The following HERC1 variants were observed in gnomAD, a reference collection of about 807,000 sequenced individuals.
HERC1 encodes the protein probable E3 ubiquitin-protein ligase HERC1.
Under a neutral mutation model 554.3 loss-of-function variants are expected in HERC1, and 160 were observed. The ratio of observed to expected loss-of-function variants is 0.29; its 90% confidence interval spans 0.25 to 0.33. The LOEUF (loss-of-function observed/expected upper bound fraction) is 0.33. Ranked by LOEUF, HERC1 falls within the 10% of genes least tolerant of loss-of-function variation. HERC1 has a pLI of 1.00. For synonymous variants in HERC1, 2,175 were observed against 2,131.7 expected, an observed-to-expected ratio of 1.02 and a Z score of -0.56; for missense variants, 4,919 against 5,918.5, an observed-to-expected ratio of 0.83 and a Z score of 5.54.
intron 64 of HERC1, among the ~76,000 whole-genome samples, 197 bp from the exon 65 acceptor site, chr15:63,636,339 C>T (rs1595867418): frequency 6.7e-6 from 1 of 149,332 alleles, no homozygotes; most frequent in Non-Finnish European, 1.5e-5. Context: ...GGTGTGATCT[C>T]GGCTCACTGC....
At chr15:63,744,164 G>GTGTGTGTGTGTCTCTCTCTCTCTCTC in intron 12 of HERC1, among the ~76,000 whole-genome samples, 12 of 46,302 alleles carry the variant, frequency 2.6e-4, no homozygotes, top group Non-Finnish European at 4.7e-4. Flanking sequence ...GTGTGTGTGT[G>GTGTGTGTGTGTCTCTCTCTCTCTCTC]TCTCTCTCTC....
intron 19 of HERC1, among the ~76,000 whole-genome samples, chr15:63,721,777 C>T (rs1350531330): frequency 6.6e-6 from 1 of 151,946 alleles, no homozygotes; most frequent in African/African-American, 2.4e-5. Context: ...TGAACAATCC[C>T]GATCATCGTT....
chr15:63,676,681 G>A (rs1289324756), intron 37 of HERC1, among the ~76,000 whole-genome samples: 3 of 152,216 alleles, frequency 2.0e-5, no homozygotes, highest in Non-Finnish European at 4.4e-5. Context: ...GCTTGAACCC[G>A]GGAGGCAGAA....
intron 1 of HERC1, among the ~76,000 whole-genome samples, chr15:63,802,687 A>G (rs1029157449): frequency 2.6e-5 from 4 of 152,260 alleles, no homozygotes; most frequent in Admixed American, 6.5e-5. Context: ...AAGAAAGGTT[A>G]GAAAACTACC....
Position 63,742,359 on chromosome 15 carries a change from T to C in HERC1, c.2520+4559A>G, listed in dbSNP as rs189836720. Among the ~76,000 whole-genome samples, 343 of 152,332 alleles carry C rather than the reference T, an allele frequency of 2.3e-3. 1 individual carries two copies. Among genetic ancestry groups the C allele is most frequent in the African/African-American group, 7.8e-3 (324 of 41,578 alleles). ...CTGAAGCTCTGCTGAACTCGTTTAT[T>C]AGCCCTAATAGTTGTGTATGAGTGT... is the stretch of plus-strand genomic sequence containing the variant. On this transcript the variant is annotated intron_variant, in intron 12 of 77. Transcript: ENST00000443617.
At chr15:63,637,151 G>C (rs868113879) in intron 64 of HERC1, 1 of 460,756 alleles carries the variant, frequency 2.2e-6, no homozygotes, top group South Asian at 1.5e-5. Flanking sequence ...CACATTTGCA[G>C]ATTTCCATAT....
chr15:63,813,390 T>C (rs528027512), intron 1 of HERC1, among the ~76,000 whole-genome samples: 1 of 151,000 alleles, frequency 6.6e-6, no homozygotes, highest in African/African-American at 2.4e-5. Flanking sequence ...CATACATAGA[T>C]TACTCCAAAA....
intron 25 of HERC1, among the ~76,000 whole-genome samples, chr15:63,704,946 G>A (rs987685062): frequency 6.6e-6 from 1 of 151,822 alleles, no homozygotes; most frequent in Non-Finnish European, 1.5e-5. Flanking sequence ...CACCATGTTA[G>A]CCAGGATGGT....
At chr15:63,710,830 T>C (rs915472995) in intron 24 of HERC1, among the ~76,000 whole-genome samples, 1 of 152,212 alleles carries the variant, frequency 6.6e-6, no homozygotes, top group Non-Finnish European at 1.5e-5. Context: ...TAAAGGGAAC[T>C]TGTGTTGCAG....
chr15:63,725,221 T>G, intron 18 of HERC1, 71 bp downstream of exon 18: 1 of 1,334,896 alleles, frequency 7.5e-7, no homozygotes, highest in Non-Finnish European at 1.0e-6. Context: ...ATTTAGCAAA[T>G]CAGAATAGAG....
At chr15:63,825,246 C>G (rs1029332531) in intron 1 of HERC1, among the ~76,000 whole-genome samples, 1 of 152,134 alleles carries the variant, frequency 6.6e-6, no homozygotes, top group African/African-American at 2.4e-5. Context: ...TTACAGTGAA[C>G]GCAGATCATG....
intron 7 of HERC1, among the ~76,000 whole-genome samples, chr15:63,753,893 G>A (rs1171447413): frequency 6.6e-6 from 1 of 152,170 alleles, no homozygotes; most frequent in African/African-American, 2.4e-5. Flanking sequence ...AGATACTCAT[G>A]CCGGGCACGG....
intron 63 of HERC1, among the ~76,000 whole-genome samples, chr15:63,637,986 G>A (rs2068860291): frequency 6.6e-6 from 1 of 152,144 alleles, no homozygotes; most frequent in Non-Finnish European, 1.5e-5. Context: ...GACTAGCTGA[G>A]GTAAAGAAGA....
intron 1 of HERC1, among the ~76,000 whole-genome samples, chr15:63,812,284 T>C (rs1596311041): frequency 6.6e-6 from 1 of 152,250 alleles, no homozygotes; most frequent in African/African-American, 2.4e-5. Flanking sequence ...TCTTAAATCT[T>C]CAACCCACAT....
Position 63,609,239 on chromosome 15 carries a change from T to C in HERC1, c.14428A>G (p.Thr4810Ala), listed in dbSNP as rs1269715130. The C allele has an allele frequency of 6.2e-7, 1 of 1,613,048 alleles. No homozygotes were observed. The highest frequency in any genetic ancestry group is 2.2e-5 in the East Asian group (1 of 44,860). Residue 4810 changes from threonine to alanine, a missense_variant, in exon 78 of 78, where the codon ACC becomes GCC. Thr to Ala is a moderately conservative substitution (Grantham distance 58). Transcript: ENST00000443617. ...RPYDSLPTSQ[T>A]CFFQLRLPPY... ...GGCAGCCTCAGCTGGAAGAAGCAGGTCTGTGAGGTAGGCAGACTGTCGTAA... is the reference window on the plus strand; with the variant it reads ...GGCAGCCTCAGCTGGAAGAAGCAGGCCTGTGAGGTAGGCAGACTGTCGTAA...
At chr15:63,690,050 G>T (rs2072016129) in intron 32 of HERC1, among the ~76,000 whole-genome samples, 1 of 151,594 alleles carries the variant, frequency 6.6e-6, no homozygotes, top group South Asian at 2.1e-4. Flanking sequence ...TATAGTCCCA[G>T]CTACTTGGAG....
Position 63,749,484 on chromosome 15 carries a change from T to G in HERC1, c.2102A>C (p.Asn701Thr). The change falls in exon 10 of 78, where the codon AAT (asparagine) becomes ACT (threonine). Residue 701 changes from asparagine (N) to threonine (T), a missense_variant. Transcript: ENST00000443617. This position sits in a 1 kb window ranked among gnomAD's most constrained non-coding sequence, Gnocchi z 4.1. ...NNSMGQCGQG[N>T]STGPITKPKK... Reference sequence around the variant, plus strand: ...TGGTTTAGTAATAGGACCTGTGGAATTTCCCTGACCACATTGCCCCATTGA... The same window carrying G: ...TGGTTTAGTAATAGGACCTGTGGAAGTTCCCTGACCACATTGCCCCATTGA... 1.2e-6 allele frequency: 2 copies of G among 1,613,814 alleles called. No homozygotes were observed. The highest frequency in any genetic ancestry group is 1.7e-6 in the Non-Finnish European group (2 of 1,179,764).
intron 12 of HERC1, among the ~76,000 whole-genome samples, chr15:63,741,862 C>T (rs1470914971): frequency 6.6e-6 from 1 of 152,206 alleles, no homozygotes; most frequent in Non-Finnish European, 1.5e-5. Context: ...TCTGACACAG[C>T]CACTCTATTT....
At chr15:63,829,415 C>T (rs2078051130) in intron 1 of HERC1, among the ~76,000 whole-genome samples, 1 of 145,542 alleles carries the variant, frequency 6.9e-6, no homozygotes, top group South Asian at 2.2e-4. Context: ...AGAGTGAGGC[C>T]CTGTCTCAAA....
Sources: allele counts gnomAD v4.1 joint callset (sites outside exome capture counted in the v4.1 genomes callset), GRCh38; gene constraint gnomAD v4.1.1; non-coding constraint Gnocchi (gnomAD v3.1); transcripts MANE v1.5; gene names NCBI Gene and HGNC (gene_info 2026-07-23, HGNC 2026-07-21).